The following INPP4B variants were observed in gnomAD, a reference collection of about 807,000 sequenced individuals.
INPP4B encodes the protein inositol polyphosphate 4-phosphatase type II.
INPP4B carries 55 observed loss-of-function variants against 122.5 expected under a neutral mutation model. The ratio of observed to expected loss-of-function variants is 0.45; its 90% CI spans 0.36 to 0.56. The LOEUF (loss-of-function observed/expected upper bound fraction) is 0.56. INPP4B is among the 20% of genes least tolerant of loss of function. The pLI, the probability that INPP4B is intolerant of heterozygous loss-of-function variation, is 0.00. For missense variants in INPP4B, 1,000 were observed against 1,097.7 expected (o/e 0.91, Z 1.26); for synonymous variants, 403 against 388.7 (o/e 1.04, Z -0.43).
intron 18 of INPP4B, among the ~76,000 whole-genome samples, chr4:142,139,493 G>A (rs902958386): frequency 3.9e-5 from 6 of 152,074 alleles, no homozygotes; most frequent in Non-Finnish European, 8.8e-5. Flanking sequence ...TTTTAATAGA[G>A]ATGGGGTTTC....
chr4:142,432,542 C>T (rs1809548682), intron 3 of INPP4B, among the ~76,000 whole-genome samples: 2 of 152,046 alleles, frequency 1.3e-5, no homozygotes, highest in African/African-American at 4.8e-5. Context: ...TCAATTTGAA[C>T]ATTATGTTTT....
intron 16 of INPP4B, among the ~76,000 whole-genome samples, chr4:142,160,850 C>A (rs985246891): frequency 6.6e-6 from 1 of 152,022 alleles, no homozygotes; most frequent in Admixed American, 6.6e-5. Flanking sequence ...CAAATCCTGT[C>A]TTTGGAGATG....
chr4:142,081,084 G>C (rs1005550189), intron 25 of INPP4B, among the ~76,000 whole-genome samples: 1 of 152,212 alleles, frequency 6.6e-6, no homozygotes. Context: ...GAAACCTCTC[G>C]TTAGTGAGAA....
intron 1 of INPP4B, among the ~76,000 whole-genome samples, chr4:142,825,118 AG>A (rs1781299265): frequency 6.6e-6 from 1 of 152,140 alleles, no homozygotes; most frequent in South Asian, 2.1e-4. Flanking sequence ...CATATTTTAA[AG>A]GGCAGGCTAT....
chr4:142,840,270 G>T (rs1220557155), intron 1 of INPP4B, among the ~76,000 whole-genome samples: 3 of 151,598 alleles, frequency 2.0e-5, no homozygotes, highest in African/African-American at 4.8e-5. Context: ...CAATGCAACA[G>T]AAAAAAAATA....
At chr4:142,644,740 T>TAAA (rs55700762) in intron 2 of INPP4B, among the ~76,000 whole-genome samples, 1,879 of 71,022 alleles carry the variant, frequency 0.026, 70 homozygotes, top group Middle Eastern at 0.043. Context: ...CATCTCTACT[T>TAAA]AAAAAAAAAA....
intron 6 of INPP4B, among the ~76,000 whole-genome samples, chr4:142,404,982 T>C (rs1054387862): frequency 6.6e-6 from 1 of 152,078 alleles, no homozygotes; most frequent in African/African-American, 2.4e-5. Context: ...TTGTTCGTTC[T>C]AGTAAATTAC....
intron 2 of INPP4B, among the ~76,000 whole-genome samples, chr4:142,631,051 C>CTATTTTTTAATTGGATTA (rs1747834915): frequency 6.6e-6 from 1 of 152,020 alleles, no homozygotes; most frequent in Non-Finnish European, 1.5e-5. Flanking sequence ...TTAAAAAATA[C>CTATTTTTTAATTGGATTA]TATTTTACCA....
intron 2 of INPP4B, among the ~76,000 whole-genome samples, chr4:142,671,289 C>T (rs1756952966): frequency 6.6e-6 from 1 of 152,150 alleles, no homozygotes; most frequent in Non-Finnish European, 1.5e-5. Context: ...TCTCAAAGCC[C>T]TGAATGGATT....
chr4:142,518,176 A>C (rs1387430928), intron 2 of INPP4B, among the ~76,000 whole-genome samples: 2 of 152,174 alleles, frequency 1.3e-5, no homozygotes, highest in Non-Finnish European at 2.9e-5. Flanking sequence ...CTCCTGGGCT[A>C]GTAGGATGCA....
At chr4:142,771,706 C>T (rs1773096431) in intron 1 of INPP4B, among the ~76,000 whole-genome samples, 4 of 152,080 alleles carry the variant, frequency 2.6e-5, no homozygotes, top group Admixed American at 1.3e-4. Flanking sequence ...GTCTTGGTCA[C>T]AAGAGAAACT....
chr4:142,089,200 A>C (rs1578860868), intron 23 of INPP4B, among the ~76,000 whole-genome samples: 1 of 152,104 alleles, frequency 6.6e-6, no homozygotes, highest in Admixed American at 6.5e-5. Flanking sequence ...CGGGCAACTG[A>C]TGAGTTTTAA....
At chr4:142,377,341 C>G (rs1198900455) in intron 7 of INPP4B, among the ~76,000 whole-genome samples, 7 of 151,506 alleles carry the variant, frequency 4.6e-5, no homozygotes, top group African/African-American at 1.7e-4. Flanking sequence ...AAAAAAAAAT[C>G]CTTATCTGCT....
intron 2 of INPP4B, among the ~76,000 whole-genome samples, chr4:142,559,348 A>T (rs1386581216): frequency 6.6e-6 from 1 of 152,114 alleles, no homozygotes; most frequent in Non-Finnish European, 1.5e-5. Context: ...TGGCTTGAGA[A>T]TTATTCAAAT....
chr4:142,348,214 G>T (rs1291356789), intron 7 of INPP4B, among the ~76,000 whole-genome samples: 1 of 151,902 alleles, frequency 6.6e-6, no homozygotes, highest in African/African-American at 2.4e-5. Flanking sequence ...CCCTAACCCT[G>T]CTACTACAAC....
At chr4:142,468,523 T>C (rs1274393747) in intron 2 of INPP4B, among the ~76,000 whole-genome samples, 1 of 152,148 alleles carries the variant, frequency 6.6e-6, no homozygotes, top group East Asian at 1.9e-4. Flanking sequence ...GGGAGGTGCC[T>C]TAGTCATGGG....
chr4:142,116,066 AG>A (rs1255432718), intron 21 of INPP4B, among the ~76,000 whole-genome samples: 1 of 152,120 alleles, frequency 6.6e-6, no homozygotes, highest in Non-Finnish European at 1.5e-5. Flanking sequence ...AGACAAAGAA[AG>A]CCATTACATA....
chr4:142,564,704 T>G (rs955748642), intron 2 of INPP4B, among the ~76,000 whole-genome samples: 1 of 152,076 alleles, frequency 6.6e-6, no homozygotes, highest in African/African-American at 2.4e-5. Flanking sequence ...TTTTAAATTT[T>G]ACATTTTTAA....
chr4:142,026,000 A>G lies in INPP4B; in HGVS notation c.*2782T>C, dbSNP rs1168901912. The G allele has an allele frequency of 6.6e-6, 1 of 152,194 alleles. No homozygotes were observed. Among genetic ancestry groups the G allele is most frequent in the Non-Finnish European group, 1.5e-5 (1 of 68,012 alleles). The allele number at this position is 152,194 out of a possible 1,614,324, so 9.4% of individuals were successfully genotyped here. A position where few individuals can be genotyped will look rare whatever the true frequency, so the allele number is the denominator to read the frequency against. ...AAATATGTTTTTCCTAGGGCTCAGTAAATAGCTAATCCAGAATTGATATCT... is the reference window on the plus strand; with the variant it reads ...AAATATGTTTTTCCTAGGGCTCAGTGAATAGCTAATCCAGAATTGATATCT... On this transcript the variant is annotated 3_prime_UTR_variant, in exon 26 of 26. Transcript: ENST00000262992.
Sources: gnomAD v4.1 joint callset for allele counts (sites outside exome capture counted in the v4.1 genomes callset) on GRCh38, gnomAD v4.1.1 for gene constraint, MANE v1.5 for transcripts, NCBI Gene and HGNC (gene_info 2026-07-23, HGNC 2026-07-21) for gene names.